The following PRRX2 variants were observed in gnomAD, a reference collection of about 807,000 sequenced individuals.
The protein encoded by PRRX2 is paired related homeobox 2.
PRRX2 carries 11 observed loss-of-function variants against 18.0 expected under a neutral mutation model. The observed-to-expected ratio is 0.61, with a 90% CI of 0.39 to 1.01. The LOEUF is 1.01. Ranked by LOEUF, PRRX2 falls within the 50% of genes least tolerant of loss-of-function variation. The pLI, the probability that PRRX2 is intolerant of heterozygous loss-of-function variation, is 0.01. For missense variants in PRRX2, 387 were observed against 351.0 expected, an observed-to-expected ratio of 1.10 and a Z score of -0.82; for synonymous variants, 177 against 154.8, an observed-to-expected ratio of 1.14 and a Z score of -1.06.
intron 1 of PRRX2, among the ~76,000 whole-genome samples, chr9:129,708,682 CT>C (rs1465927064): frequency 6.6e-6 from 1 of 152,140 alleles, no homozygotes; most frequent in Non-Finnish European, 1.5e-5. Context: ...TTCCATTTAT[CT>C]TTTTTTCTGT....
intron 3 of PRRX2, 142 bp from the exon 4 acceptor site, chr9:129,722,075 T>G (rs1007520712): frequency 8.1e-7 from 1 of 1,236,174 alleles, no homozygotes. Flanking sequence ...ACCCTACAGC[T>G]CCAAATCACC....
At chr9:129,699,992 G>T (rs1352673700) in intron 1 of PRRX2, among the ~76,000 whole-genome samples, 1 of 152,194 alleles carries the variant, frequency 6.6e-6, no homozygotes, top group Non-Finnish European at 1.5e-5. Context: ...TCAGTAAATT[G>T]CCTCAAAGCT....
chr9:129,711,612 T>C (rs779545133), intron 1 of PRRX2, among the ~76,000 whole-genome samples: 4 of 152,090 alleles, frequency 2.6e-5, no homozygotes, highest in Non-Finnish European at 5.9e-5. Flanking sequence ...TTTCACCATG[T>C]TGGCCGGGCT....
rs753647365 is a variant in PRRX2, at chr9:129,720,719, C to T, written c.571C>T (p.Arg191Trp). 4 of 1,612,394 alleles carry T rather than the reference C, an allele frequency of 2.5e-6. No individual in the cohort carries two copies. Among genetic ancestry groups the T allele is most frequent in the East Asian group, 2.2e-5 (1 of 44,804 alleles). Residue 191 changes from arginine to tryptophan, a missense_variant, in exon 3 of 4, where the codon CGG becomes TGG. Transcript: ENST00000372469. Reference protein sequence around the residue: ...EAAIEQPVAPRPTALSPDYLS... With the variant: ...EAAIEQPVAPWPTALSPDYLS... ...CGCCATCGAGCAGCCCGTGGCTCCCCGGCCCACCGCCCTGAGTCCAGATTA... is the reference window on the plus strand; with the variant it reads ...CGCCATCGAGCAGCCCGTGGCTCCCTGGCCCACCGCCCTGAGTCCAGATTA...
intron 1 of PRRX2, among the ~76,000 whole-genome samples, chr9:129,711,081 T>G (rs1832612017): frequency 6.6e-6 from 1 of 152,062 alleles, no homozygotes; most frequent in Non-Finnish European, 1.5e-5. Flanking sequence ...TCCCTCCTTT[T>G]TGTTGATCCA....
chr9:129,711,375 T>C (rs962764462), intron 1 of PRRX2, among the ~76,000 whole-genome samples: 1 of 151,420 alleles, frequency 6.6e-6, no homozygotes, highest in African/African-American at 2.4e-5. Context: ...GATCCTGTTA[T>C]TCCCATTTTT....
At chr9:129,718,128 G>T (rs895747592) in intron 1 of PRRX2, among the ~76,000 whole-genome samples, 1 of 151,644 alleles carries the variant, frequency 6.6e-6, no homozygotes, top group Non-Finnish European at 1.5e-5. Context: ...ACCTCCCCAG[G>T]GTTCTGCTGG....
rs766238887 is a variant in PRRX2 at position 129,720,715 on chromosome 9, T to C, written c.567T>C (p.Ala189=). 1 of 1,612,446 alleles carries C rather than the reference T, an allele frequency of 6.2e-7. No homozygotes were observed. Among genetic ancestry groups the C allele is most frequent in the Non-Finnish European group, 8.5e-7 (1 of 1,179,424 alleles). The change falls in exon 3 of 4, where the codon GCT becomes GCC. Residue 189 remains alanine (A), a synonymous_variant. Transcript: ENST00000372469. ...SQEAAIEQPV[A]PRPTALSPDY... ...AGGCCGCCATCGAGCAGCCCGTGGC[T>C]CCCCGGCCCACCGCCCTGAGTCCAG...
Position 129,715,667 on chromosome 9 carries a change from TA to T in PRRX2, c.260-3562del, listed in dbSNP as rs1832694697. 6.6e-6 allele frequency among the ~76,000 whole-genome samples: 1 copy of T among 151,858 alleles called. No homozygotes were observed. The highest frequency in any genetic ancestry group is 2.1e-4 in the South Asian group (1 of 4,816). On this transcript the variant is annotated intron_variant, in intron 1 of 3. Coordinates refer to ENST00000372469, the MANE Select transcript of PRRX2 (RefSeq NM_016307.4). This position sits in a 1 kb window ranked among gnomAD's most constrained non-coding sequence, Gnocchi z 4.0. ...CCTAGTAGCACCCCTTCCCCAGTCCTAACGATCAAAAATGTCTCACAGGGGC... is the reference window on the plus strand; with the variant it reads ...CCTAGTAGCACCCCTTCCCCAGTCCTACGATCAAAAATGTCTCACAGGGGC...
intron 1 of PRRX2, among the ~76,000 whole-genome samples, chr9:129,681,445 G>A (rs535993289): frequency 4.6e-5 from 7 of 152,268 alleles, no homozygotes; most frequent in African/African-American, 1.2e-4. Flanking sequence ...GCTTGAACCC[G>A]GGAGGTGGAG....
chr9:129,691,624 C>G (rs954158674), intron 1 of PRRX2, among the ~76,000 whole-genome samples: 2 of 151,960 alleles, frequency 1.3e-5, no homozygotes, highest in African/African-American at 4.8e-5. Flanking sequence ...TCTCCTCCCC[C>G]ACAGAGAGCC....
chr9:129,700,488 C>T (rs945860602), intron 1 of PRRX2, among the ~76,000 whole-genome samples: 1 of 152,016 alleles, frequency 6.6e-6, no homozygotes, highest in Non-Finnish European at 1.5e-5. Context: ...TGCCACCAAG[C>T]CCGGCTAATT....
At chr9:129,679,239 G>T (rs1321613837) in intron 1 of PRRX2, among the ~76,000 whole-genome samples, 1 of 152,184 alleles carries the variant, frequency 6.6e-6, no homozygotes, top group Admixed American at 6.5e-5. Context: ...GATGAGGAAG[G>T]AAGGCCATCC....
chr9:129,722,274 G>A lies in PRRX2; in HGVS notation c.684G>A (p.Met228Ile). 6.2e-7 allele frequency: 1 copy of A among 1,613,986 alleles called. No individual in the cohort carries two copies. Among genetic ancestry groups the A allele is most frequent in the Non-Finnish European group, 8.5e-7 (1 of 1,180,010 alleles). The change falls in exon 4 of 4, where the codon ATG becomes ATA. Residue 228 changes from methionine (M) to isoleucine (I), a missense_variant. Met to Ile is a conservative substitution (Grantham distance 10). Transcript: ENST00000372469. ...GCCCCGCAACCCCAGGGGTCAACAT[G>A]GCCAACAGCATCGCCAGCCTCCGTC... ...SSGPATPGVN[M>I]ANSIASLRLK... is the part of the protein sequence containing the mutation.
At chr9:129,680,729 C>T (rs1832217305) in intron 1 of PRRX2, among the ~76,000 whole-genome samples, 2 of 152,086 alleles carry the variant, frequency 1.3e-5, no homozygotes, top group African/African-American at 4.8e-5. Context: ...CCAGATCCCT[C>T]TCCCCTGCCC....
intron 1 of PRRX2, among the ~76,000 whole-genome samples, chr9:129,698,428 C>A (rs535639602): frequency 3.3e-5 from 5 of 152,312 alleles, no homozygotes; most frequent in African/African-American, 1.2e-4. Context: ...TCCCCGAGTT[C>A]CCCCTGGTGT....
chr9:129,692,713 AT>A (rs1197024704), intron 1 of PRRX2, among the ~76,000 whole-genome samples: 2 of 151,980 alleles, frequency 1.3e-5, no homozygotes, highest in Non-Finnish European at 2.9e-5. Context: ...TTTCTTCCAC[AT>A]TTTTTCATGG....
At chr9:129,706,275 C>T (rs1422650372) in intron 1 of PRRX2, among the ~76,000 whole-genome samples, 1 of 120,966 alleles carries the variant, frequency 8.3e-6, no homozygotes, top group East Asian at 3.4e-4. Context: ...GTGAGACTCC[C>T]ATCTCTACAC....
chr9:129,704,794 C>G (rs1239282489), intron 1 of PRRX2, among the ~76,000 whole-genome samples: 1 of 152,168 alleles, frequency 6.6e-6, no homozygotes, highest in East Asian at 1.9e-4. Context: ...AGGTTTGTTG[C>G]AAAACCAAGC....
Sources: allele counts gnomAD v4.1 joint callset (sites outside exome capture counted in the v4.1 genomes callset), GRCh38; gene constraint gnomAD v4.1.1; non-coding constraint Gnocchi (gnomAD v3.1); transcripts MANE v1.5; gene names NCBI Gene and HGNC (gene_info 2026-07-23, HGNC 2026-07-21).